The following CHFR variants were observed in gnomAD, a reference collection of about 807,000 sequenced individuals.
CHFR encodes the protein E3 ubiquitin-protein ligase CHFR.
In CHFR, 57 loss-of-function variants were observed where a neutral mutation model predicts 87.6. The ratio of observed to expected loss-of-function variants is 0.65; its 90% CI spans 0.53 to 0.81. The LOEUF (loss-of-function observed/expected upper bound fraction) is 0.81, where lower values mean the gene tolerates loss of function less well. Among genes scored for constraint, CHFR ranks in the 30% least tolerant of loss-of-function variants. The pLI is 0.00. For synonymous variants in CHFR, 381 were observed against 359.2 expected (o/e 1.06, Z -0.69); for missense variants, 797 against 865.8 (o/e 0.92, Z 1.00).
Position 132,853,533 on chromosome 12 carries a change from T to C in CHFR, c.1270A>G (p.Arg424Gly), listed in dbSNP as rs1445358565. The C allele has an allele frequency of 1.3e-6, 2 of 1,532,670 alleles. No individual in the cohort carries two copies. The highest frequency in any genetic ancestry group is 2.1e-5 in the Admixed American group (1 of 47,638). 94.9% of individuals were successfully genotyped at this position (1,532,670 alleles called of 1,614,324 possible). Residue 424 changes from arginine (R) to glycine (G), a missense_variant, in exon 11 of 18, where the codon AGG becomes GGG. Around this residue, in one of 2 missense-constraint regions of CHFR, gnomAD observed 597 missense variants for 601.2 expected, o/e 0.99. Transcript: ENST00000450056. ...VVCRQCPEYRRQAAQPPHCPA... is the reference protein window; with the variant it reads ...VVCRQCPEYRGQAAQPPHCPA... ...CAGTGGGGAGGCTGCGCCGCCTGCC[T>C]TCTGTACTCAGGACACTGCCGGCAC... is the stretch of plus-strand genomic sequence containing the variant.
chr12:132,841,402 T>C lies in CHFR; in HGVS notation c.*152A>G. On this transcript the variant is annotated 3_prime_UTR_variant, in exon 18 of 18. Coordinates refer to ENST00000450056, the MANE Select transcript of CHFR (RefSeq NM_001161346.2). ...GAGGGTCTCACTCAGAGGGTAAAGC[T>C]CCACAGAAGAGTCACCCCAGAGCAC... The C allele has an allele frequency of 1.5e-6, 1 of 658,936 alleles. No homozygotes were observed. The allele number at this position is 658,936 out of a possible 1,614,324, so 40.8% of individuals were successfully genotyped here.
chr12:132,870,737 T>G lies in CHFR; in HGVS notation c.390A>C (p.Thr130=). ...YESLSEKQGM[T]QESFDTSGAG... is the part of the protein sequence containing the mutation. Reference sequence around the variant, plus strand: ...ACTCTTACTTACCAAAGGATTCTTGTGTCATGCCTTGCTTTTCACTTAAAG... The same window carrying G: ...ACTCTTACTTACCAAAGGATTCTTGGGTCATGCCTTGCTTTTCACTTAAAG... The change falls in exon 5 of 18, where the codon ACA becomes ACC. Residue 130 remains threonine, a synonymous_variant. Transcript: ENST00000450056. 1 of 1,609,440 alleles carries G rather than the reference T, an allele frequency of 6.2e-7. No individual in the cohort carries two copies. The highest frequency in any genetic ancestry group is 8.5e-7 in the Non-Finnish European group (1 of 1,175,812).
chr12:132,860,982 AC>A (rs1951197990), intron 7 of CHFR, among the ~76,000 whole-genome samples: 1 of 152,150 alleles, frequency 6.6e-6, no homozygotes, highest in African/African-American at 2.4e-5. Context: ...TGAACTCCTG[AC>A]CTCAGATGAT....
intron 10 of CHFR, 55 bp downstream of exon 10, chr12:132,856,413 G>A: frequency 6.3e-7 from 1 of 1,592,742 alleles, no homozygotes; most frequent in Non-Finnish European, 8.6e-7. Context: ...CTCGGTCACG[G>A]TTGTGATGCT....
intron 8 of CHFR, among the ~76,000 whole-genome samples, chr12:132,858,796 C>T (rs1198943861): frequency 8.6e-6 from 1 of 116,926 alleles, no homozygotes; most frequent in Non-Finnish European, 1.7e-5. Context: ...AAAAAAAAGT[C>T]AGCCAGGCAT....
chr12:132,876,516 CT>C, intron 3 of CHFR, among the ~76,000 whole-genome samples: 1 of 152,308 alleles, frequency 6.6e-6, no homozygotes, highest in East Asian at 1.9e-4. Flanking sequence ...ATTTCAGATA[CT>C]CAATCTGTAC....
rs200441646 is a variant in CHFR, at chr12:132,841,566, C to A, written c.1947G>T (p.Arg649Ser). ...GGCCTCTGGATGCTTAGTTTTTGAA[C>A]CTTGTCTGTTCACAGATATGATTGA... is the stretch of plus-strand genomic sequence containing the variant. ...MKFNHICEQT[R>S]FKN The change falls in exon 18 of 18, where the codon AGG (arginine) becomes AGT (serine). Residue 649 changes from arginine (R) to serine (S), a missense_variant. By Grantham distance (110) the Arg-to-Ser change is moderately radical. This residue lies in a region of CHFR where 200 missense variants were observed against 264.6 expected (regional missense o/e 0.76). Transcript: ENST00000450056. 1 of 1,613,918 alleles carries A rather than the reference C, an allele frequency of 6.2e-7. No homozygotes were observed. Among genetic ancestry groups the A allele is most frequent in the Non-Finnish European group, 8.5e-7 (1 of 1,179,814 alleles).
chr12:132,843,405 G>A (rs1001572124), intron 16 of CHFR, among the ~76,000 whole-genome samples: 18 of 151,616 alleles, frequency 1.2e-4, no homozygotes, highest in Admixed American at 1.0e-3. Flanking sequence ...CAGCCTGGGC[G>A]ACAGAGTCAG....
rs1950704521 is a variant in CHFR at position 132,841,554 on chromosome 12, T to A, written c.1959A>T (p.Ter653TyrextTer19). 6.2e-7 allele frequency: 1 copy of A among 1,613,476 alleles called. No individual in the cohort carries two copies. ...AAAGCTGCTCAGGGCCTCTGGATGC[T>A]TAGTTTTTGAACCTTGTCTGTTCAC... ...HICEQTRFKN[*>Y] is the part of the protein sequence containing the mutation. The change falls in exon 18 of 18, where the codon TAA becomes TAT. Residue 653 changes from the stop codon to tyrosine, a stop_lost. Transcript: ENST00000450056.
intron 2 of CHFR, among the ~76,000 whole-genome samples, chr12:132,879,015 T>G (rs1283064098): frequency 6.7e-6 from 1 of 148,714 alleles, no homozygotes; most frequent in South Asian, 2.2e-4. Flanking sequence ...GTTTGTTTTT[T>G]TTTTTTTGAG....
chr12:132,862,822 C>CATGACCTCATG (rs1951246891), intron 6 of CHFR, among the ~76,000 whole-genome samples: 1 of 151,488 alleles, frequency 6.6e-6, no homozygotes, highest in African/African-American at 2.4e-5. Flanking sequence ...CCTCATGATC[C>CATGACCTCATG]ACCTGCCTCA....
rs984493040 is a variant in CHFR, at chr12:132,869,675, G to C, written c.527C>G (p.Ala176Gly). The C allele has an allele frequency of 1.3e-6, 2 of 1,551,718 alleles. No individual in the cohort carries two copies. The highest frequency in any genetic ancestry group is 2.0e-5 in the Admixed American group (1 of 51,000). The change falls in exon 6 of 18, where the codon GCC (alanine) becomes GGC (glycine). Residue 176 changes from alanine (A) to glycine (G), a missense_variant. Ala to Gly is a moderately conservative substitution (Grantham distance 60). Transcript: ENST00000450056. ...AGAAGGCTCCGTGGAAGAGGCCGAG[G>C]CTGTGGGGAAGAGGTCTGACGTCGA... ...STSTSDLFPT[A>G]SASSTEPSPA...
At chr12:132,847,438 C>G in intron 14 of CHFR, 1 of 1,144,540 alleles carries the variant, frequency 8.7e-7, no homozygotes, top group East Asian at 5.7e-5. Context: ...TGCACACAGC[C>G]CAGCAACGAG....
intron 7 of CHFR, 118 bp from the exon 8 acceptor site, chr12:132,859,345 A>G: frequency 1.0e-6 from 1 of 990,694 alleles, no homozygotes; most frequent in Admixed American, 2.5e-5. Context: ...CCGAGAAGGA[A>G]ATACATGCAG....
At chr12:132,848,948 T>A in intron 12 of CHFR, 1 of 530,050 alleles carries the variant, frequency 1.9e-6, no homozygotes. Context: ...TCACATTTTC[T>A]GGTTTGTTAT....
rs765917829 is a variant in CHFR at position 132,887,288 on chromosome 12, T to TGCG, written c.38_40dup (p.Pro13dup). The TGCG allele has an allele frequency of 4.7e-6, 7 of 1,486,592 alleles. No homozygotes were observed. Among genetic ancestry groups the TGCG allele is most frequent in the African/African-American group, 2.9e-5 (2 of 68,208 alleles). 92.1% of individuals were successfully genotyped at this position (1,486,592 alleles called of 1,614,324 possible). ...CAGACGCAGGAGCCGTCCCCAGGGCTGCGGCGGCGGCGACTGCTTGCCTTC... is the reference window on the plus strand; with the variant it reads ...CAGACGCAGGAGCCGTCCCCAGGGCTGCGGCGGCGGCGGCGACTGCTTGCCTTC... On this transcript the variant is annotated inframe_insertion, in exon 2 of 18. Coordinates refer to ENST00000450056, the MANE Select transcript of CHFR (RefSeq NM_001161346.2).
intron 6 of CHFR, 68 bp downstream of exon 6, chr12:132,869,551 A>C: frequency 7.0e-7 from 1 of 1,436,228 alleles, no homozygotes; most frequent in Non-Finnish European, 9.6e-7. Context: ...CTCTGTAACA[A>C]CACAGGTAAA....
chr12:132,848,492 G>T, intron 13 of CHFR, 149 bp downstream of exon 13: 2 of 708,950 alleles, frequency 2.8e-6, no homozygotes, highest in South Asian at 3.6e-5. Flanking sequence ...CACCTCTGCA[G>T]TCCAGCCAGG....
At chr12:132,877,487 A>C (rs1951655259) in intron 3 of CHFR, 68 bp downstream of exon 3, 10 of 1,069,504 alleles carry the variant, frequency 9.4e-6, no homozygotes, top group South Asian at 2.9e-5. Flanking sequence ...GGCACACAGC[A>C]CAGAGCACGA....
Sources: allele counts gnomAD v4.1 joint callset (sites outside exome capture counted in the v4.1 genomes callset), GRCh38; gene constraint gnomAD v4.1.1; regional missense constraint gnomAD v4.1.1; transcripts MANE v1.5; gene names NCBI Gene and HGNC (gene_info 2026-07-23, HGNC 2026-07-21).